LARP1B: variants seen among roughly 807,000 people sequenced by gnomAD.
LARP1B encodes La ribonucleoprotein 1B.
In LARP1B, 76 loss-of-function variants were observed where a neutral mutation model predicts 114.2. That is an observed-to-expected ratio of 0.67 (90% CI 0.55 to 0.81). The LOEUF is 0.81. Among genes scored for constraint, LARP1B ranks in the 30% least tolerant of loss-of-function variants. LARP1B has a pLI of 0.00. For synonymous variants in LARP1B, 345 were observed against 348.0 expected, an observed-to-expected ratio of 0.99 and a Z score of 0.10; for missense variants, 1,014 against 1,075.8, an observed-to-expected ratio of 0.94 and a Z score of 0.80.
At chr4:128,065,341 T>TC (rs1561013610) in intron 1 of LARP1B, among the ~76,000 whole-genome samples, 90 of 107,700 alleles carry the variant, frequency 8.4e-4, no homozygotes, top group African/African-American at 1.0e-3. Context: ...CTTTCCTTTC[T>TC]TTTCTTTTCT....
intron 5 of LARP1B, among the ~76,000 whole-genome samples, chr4:128,085,180 T>C (rs1772933075): frequency 6.6e-6 from 1 of 152,168 alleles, no homozygotes. Flanking sequence ...TTATTAACCT[T>C]GATTACTTGG....
chr4:128,092,206 A>G (rs1215239008), intron 7 of LARP1B, among the ~76,000 whole-genome samples: 1 of 152,174 alleles, frequency 6.6e-6, no homozygotes, highest in Non-Finnish European at 1.5e-5. Flanking sequence ...TAGAATTTGC[A>G]AATTAACATA....
chr4:128,144,728 C>G (rs1432033783), intron 11 of LARP1B, among the ~76,000 whole-genome samples: 1 of 152,058 alleles, frequency 6.6e-6, no homozygotes, highest in East Asian at 1.9e-4. Context: ...CATTTTCATT[C>G]TATTTTTAGG....
Position 128,211,817 on chromosome 4 carries a change from T to G in LARP1B, c.*1764T>G, listed in dbSNP as rs1759027636. On this transcript the variant is annotated 3_prime_UTR_variant, in exon 20 of 20. Transcript: ENST00000326639. ...CTGAATATACAAGTGTAAATTTGAT[T>G]GGAAAATTGTATATTATAAATGAAA... 1.1e-5 allele frequency: 9 copies of G among 799,230 alleles called. No homozygotes were observed. In the South Asian group the frequency reaches 4.1e-4, roughly 36 times the overall value. The allele number at this position is 799,230 out of a possible 1,614,324, so 49.5% of individuals were successfully genotyped here.
chr4:128,221,551 ATTG>A (rs1160990504), intron 7 of LARP1B, among the ~76,000 whole-genome samples: 1 of 152,172 alleles, frequency 6.6e-6, no homozygotes, highest in Non-Finnish European at 1.5e-5. Flanking sequence ...ATCCGCTGCT[ATTG>A]TTTTGTTTTT....
Position 128,179,430 on chromosome 4 carries a change from C to A in LARP1B, c.1921C>A (p.His641Asn), listed in dbSNP as rs772721386. Reference sequence around the variant, plus strand: ...GAGTCCAAGAAAGAGAAAAACAAGGCATAGCACAAATCCCCCTCTAGAGTG... The same window carrying A: ...GAGTCCAAGAAAGAGAAAAACAAGGAATAGCACAAATCCCCCTCTAGAGTG... Reference protein sequence around the residue: ...VKSPRKRKTRHSTNPPLECHV... With the variant: ...VKSPRKRKTRNSTNPPLECHV... The change falls in exon 15 of 20, where the codon CAT (histidine) becomes AAT (asparagine). Residue 641 changes from histidine to asparagine, a missense_variant. Physicochemically the swap from His to Asn is moderately conservative, Grantham distance 68. Transcript: ENST00000326639. The A allele has an allele frequency of 3.7e-6, 6 of 1,609,422 alleles. No homozygotes were observed. In the Admixed American group the frequency reaches 8.5e-5, roughly 23 times the overall value.
intron 15 of LARP1B, 110 bp downstream of exon 15, chr4:128,179,622 T>C (rs78426837): frequency 0.019 from 11,825 of 620,842 alleles, 297 homozygotes; most frequent in East Asian, 0.1. Context: ...TAGCAAATTA[T>C]AGAGCAATGA....
chr4:128,069,244 A>G (rs1209149921), intron 1 of LARP1B: 2 of 1,026,546 alleles, frequency 1.9e-6, no homozygotes, highest in Non-Finnish European at 3.0e-6. Flanking sequence ...ACCTCAAAAA[A>G]CTTGTATGTG....
At chr4:128,155,649 G>T (rs1452807950) in intron 11 of LARP1B, 9 of 1,525,724 alleles carry the variant, frequency 5.9e-6, no homozygotes, top group South Asian at 5.6e-5. Flanking sequence ...GGGCCCTGGG[G>T]CCGCCTCCAG....
chr4:128,152,848 A>G (rs1419380264), intron 11 of LARP1B, among the ~76,000 whole-genome samples: 1 of 151,108 alleles, frequency 6.6e-6, no homozygotes, highest in African/African-American at 2.4e-5. Flanking sequence ...CAGCACATTT[A>G]TATTTTATGG....
At chr4:128,196,401 C>A (rs1754137879) in intron 15 of LARP1B, among the ~76,000 whole-genome samples, 1 of 151,590 alleles carries the variant, frequency 6.6e-6, no homozygotes, top group Non-Finnish European at 1.5e-5. Context: ...TGCCTGTAGT[C>A]TTAGCTACTT....
chr4:128,136,584 C>T (rs778824139), intron 11 of LARP1B, among the ~76,000 whole-genome samples: 2 of 152,112 alleles, frequency 1.3e-5, no homozygotes, highest in Non-Finnish European at 2.9e-5. Flanking sequence ...TCTAAGTAAA[C>T]AAGGCATAAT....
intron 15 of LARP1B, among the ~76,000 whole-genome samples, chr4:128,184,551 C>T (rs1749666920): frequency 6.6e-6 from 1 of 152,008 alleles, no homozygotes; most frequent in Non-Finnish European, 1.5e-5. Context: ...AAACATTTTT[C>T]TTTATTCTGT....
At chr4:128,064,487 C>T (rs980306016) in intron 1 of LARP1B, among the ~76,000 whole-genome samples, 4 of 152,140 alleles carry the variant, frequency 2.6e-5, no homozygotes, top group East Asian at 3.8e-4. Flanking sequence ...ATTCCTTCCT[C>T]GCTATAAAGA....
intron 11 of LARP1B, among the ~76,000 whole-genome samples, chr4:128,140,363 A>ATAC (rs1182797208): frequency 6.6e-6 from 1 of 152,248 alleles, no homozygotes; most frequent in African/African-American, 2.4e-5. Flanking sequence ...AATGATTGCC[A>ATAC]TACACATCTT....
intron 11 of LARP1B, among the ~76,000 whole-genome samples, chr4:128,161,444 T>G (rs1226019412): frequency 6.6e-6 from 1 of 152,192 alleles, no homozygotes; most frequent in African/African-American, 2.4e-5. Context: ...CTGAGTCTCT[T>G]TGCTGCAGCT....
chr4:128,209,568 T>A (rs558064783), intron 19 of LARP1B, among the ~76,000 whole-genome samples: 1 of 152,042 alleles, frequency 6.6e-6, no homozygotes. Flanking sequence ...AGGAAGGAAA[T>A]TTAAGTTTAG....
At chr4:128,098,747 G>GTGTATA in intron 8 of LARP1B, among the ~76,000 whole-genome samples, 1 of 15,586 alleles carries the variant, frequency 6.4e-5, no homozygotes, top group African/African-American at 1.9e-4. Flanking sequence ...ATATGTATGT[G>GTGTATA]TATATATATA....
intron 11 of LARP1B, among the ~76,000 whole-genome samples, chr4:128,138,017 T>C (rs1276727028): frequency 6.6e-6 from 1 of 152,042 alleles, no homozygotes; most frequent in African/African-American, 2.4e-5. Context: ...TCTTCTCTTC[T>C]GGGGAATATG....
Sources: gnomAD v4.1 joint callset for allele counts (sites outside exome capture counted in the v4.1 genomes callset) on GRCh38, gnomAD v4.1.1 for gene constraint, MANE v1.5 for transcripts, NCBI Gene and HGNC (gene_info 2026-07-23, HGNC 2026-07-21) for gene names.